TBC1D4: variants seen among roughly 807,000 people sequenced by gnomAD.
The protein encoded by TBC1D4 is TBC1 domain family member 4.
TBC1D4 carries 121 observed loss-of-function variants against 142.5 expected under a neutral mutation model. The ratio of observed to expected loss-of-function variants is 0.85; its 90% CI spans 0.73 to 0.99. The LOEUF (loss-of-function observed/expected upper bound fraction) is 0.99, where lower values mean the gene tolerates loss of function less well. TBC1D4 is among the 50% of genes least tolerant of loss of function. The probability of loss-of-function intolerance (pLI) is 0.00; values close to 1 mark genes in which losing one functional copy is unlikely to be tolerated. For missense variants in TBC1D4, 1,475 were observed against 1,606.6 expected, an observed-to-expected ratio of 0.92 and a Z score of 1.40; for synonymous variants, 630 against 628.2, an observed-to-expected ratio of 1.00 and a Z score of -0.04.
intron 1 of TBC1D4, among the ~76,000 whole-genome samples, chr13:75,365,665 C>T (rs182063813): frequency 6.6e-5 from 10 of 152,196 alleles, no homozygotes; most frequent in Middle Eastern, 3.4e-3. Context: ...TATTGTTGAA[C>T]GAATTTGAAT....
At chr13:75,410,219 T>G (rs1885576126) in intron 1 of TBC1D4, among the ~76,000 whole-genome samples, 1 of 152,298 alleles carries the variant, frequency 6.6e-6, no homozygotes, top group Admixed American at 6.5e-5. Flanking sequence ...AGCTTTCCTA[T>G]ATTACAGCCA....
intron 1 of TBC1D4, among the ~76,000 whole-genome samples, chr13:75,453,445 T>C (rs1887605710): frequency 6.6e-6 from 1 of 152,176 alleles, no homozygotes; most frequent in South Asian, 2.1e-4. Flanking sequence ...TGCCAAATAG[T>C]TGAGTTCCAC....
At position 75,284,893 on chromosome 13, in the gene TBC1D4, A is replaced by G. The variant is rs1317589648; in HGVS notation, c.*1899T>C. On this transcript the variant is annotated 3_prime_UTR_variant, in exon 21 of 21. Coordinates refer to ENST00000377636, the MANE Select transcript of TBC1D4 (RefSeq NM_014832.5). ...ATTCTAAACATCCAGGATAAAGTTT[A>G]CTTTAAACTGAATAAAAGAAAGAAA... 6.6e-6 allele frequency: 1 copy of G among 152,212 alleles called. No individual in the cohort carries two copies. Among genetic ancestry groups the G allele is most frequent in the Admixed American group, 6.5e-5 (1 of 15,280 alleles). 9.4% of individuals were successfully genotyped at this position (152,212 alleles called of 1,614,324 possible).
At chr13:75,409,849 T>C (rs2138390041) in intron 1 of TBC1D4, among the ~76,000 whole-genome samples, 1 of 152,352 alleles carries the variant, frequency 6.6e-6, no homozygotes, top group Middle Eastern at 3.4e-3. Context: ...AATCTTAGGA[T>C]GTTAAGATAC....
At chr13:75,406,808 G>A (rs575471106) in intron 1 of TBC1D4, among the ~76,000 whole-genome samples, 1 of 152,138 alleles carries the variant, frequency 6.6e-6, no homozygotes, top group African/African-American at 2.4e-5. Flanking sequence ...CCCACAAGCA[G>A]GGTTTATGGT....
chr13:75,326,237 G>C lies in TBC1D4; in HGVS notation c.1993C>G (p.Arg665Gly), dbSNP rs376333903. 6.2e-7 allele frequency: 1 copy of C among 1,614,136 alleles called. No individual in the cohort carries two copies. Among genetic ancestry groups the C allele is most frequent in the South Asian group, 1.1e-5 (1 of 91,086 alleles). The change falls in exon 10 of 21, where the codon CGT becomes GGT. Residue 665 changes from arginine (R) to glycine (G), a missense_variant. By Grantham distance (125) the Arg-to-Gly change is moderately radical. This residue lies in a region of TBC1D4 where 1,227 missense variants were observed against 1,267.7 expected (regional missense o/e 0.97). Transcript: ENST00000377636. The part of the protein sequence containing the change: ...NLQDGRAQGV[R>G]SPLLRQSSSE... ...GAGCTCTGCCTCAGCAGAGGGGAAC[G>C]CACACCCTGAGCCCTCCCATCCTGC...
At chr13:75,343,046 C>G (rs1027495882) in intron 5 of TBC1D4, among the ~76,000 whole-genome samples, 2 of 152,064 alleles carry the variant, frequency 1.3e-5, no homozygotes, top group Non-Finnish European at 2.9e-5. Flanking sequence ...ATAATTTGTT[C>G]CGCTAAGTTG....
At chr13:75,404,831 G>GT (rs1885252796) in intron 1 of TBC1D4, among the ~76,000 whole-genome samples, 1 of 152,106 alleles carries the variant, frequency 6.6e-6, no homozygotes. Context: ...TTGAACAAGA[G>GT]TAGAACTATG....
chr13:75,479,690 A>G lies in TBC1D4; in HGVS notation c.498+1580T>C, dbSNP rs1206678923. Among the ~76,000 whole-genome samples, 5 of 152,294 alleles carry G rather than the reference A, an allele frequency of 3.3e-5. No homozygotes were observed. The East Asian group carries it at 9.6e-4, about 29-fold the overall frequency. On this transcript the variant is annotated intron_variant, in intron 1 of 20. Transcript: ENST00000377636. ...CTGGCTCCTCTTTACCACCAGAACCAGAAAAATGTAATACAATAAAATGTA... is the reference window on the plus strand; with the variant it reads ...CTGGCTCCTCTTTACCACCAGAACCGGAAAAATGTAATACAATAAAATGTA...
In TBC1D4 at chr13:75,472,723, A is replaced by G. The variant is rs17071230; in HGVS notation, c.498+8547T>C. The stretch of plus-strand genomic sequence containing the variant: ...ATCTGTAAAGAGTTAGGCAACAAGC[A>G]TTGGGTGGTCTTCAAAGGGAGCAGC... On this transcript the variant is annotated intron_variant, in intron 1 of 20. Transcript: ENST00000377636. Among the ~76,000 whole-genome samples, 675 of 152,308 alleles carry G rather than the reference A, an allele frequency of 4.4e-3. 4 individuals carry two copies. Among genetic ancestry groups the G allele is most frequent in the African/African-American group, 0.015 (644 of 41,562 alleles).
intron 12 of TBC1D4, among the ~76,000 whole-genome samples, chr13:75,318,370 T>C (rs1244110470): frequency 1.3e-5 from 2 of 152,218 alleles, no homozygotes; most frequent in African/African-American, 2.4e-5. Context: ...ACTCTATCTC[T>C]GAAGTCCAAA....
At chr13:75,477,137 T>TA (rs1888657458) in intron 1 of TBC1D4, among the ~76,000 whole-genome samples, 1 of 152,206 alleles carries the variant, frequency 6.6e-6, no homozygotes, top group South Asian at 2.1e-4. Flanking sequence ...GAGATAGATC[T>TA]ATCTGTCCAC....
chr13:75,325,951 T>C (rs1040762217), intron 10 of TBC1D4, among the ~76,000 whole-genome samples: 1 of 152,156 alleles, frequency 6.6e-6, no homozygotes, highest in Non-Finnish European at 1.5e-5. Flanking sequence ...GGTTATCTTG[T>C]TTTTTCTATT....
intron 16 of TBC1D4, among the ~76,000 whole-genome samples, chr13:75,299,981 G>A (rs1007895872): frequency 5.9e-5 from 9 of 151,990 alleles, no homozygotes; most frequent in East Asian, 5.8e-4. Flanking sequence ...GAAACCAGAA[G>A]TCTGTAAGAC....
chr13:75,415,063 T>G (rs931623928), intron 1 of TBC1D4, among the ~76,000 whole-genome samples: 4 of 148,036 alleles, frequency 2.7e-5, no homozygotes, highest in Non-Finnish European at 5.9e-5. Flanking sequence ...GGTGGAGGTT[T>G]CGGTGAGCCG....
chr13:75,350,022 T>G (rs897686725), intron 4 of TBC1D4, among the ~76,000 whole-genome samples: 1 of 152,240 alleles, frequency 6.6e-6, no homozygotes, highest in Non-Finnish European at 1.5e-5. Context: ...CTAGCCTTTT[T>G]ATTTCCTGGA....
intron 1 of TBC1D4, among the ~76,000 whole-genome samples, chr13:75,479,956 C>T (rs1327031414): frequency 6.6e-6 from 1 of 150,478 alleles, no homozygotes; most frequent in Non-Finnish European, 1.5e-5. Context: ...CACTTGAACC[C>T]GGAAGGTGGA....
chr13:75,452,401 A>G (rs932650644), intron 1 of TBC1D4, among the ~76,000 whole-genome samples: 4 of 152,348 alleles, frequency 2.6e-5, no homozygotes, highest in Admixed American at 2.6e-4. Context: ...CTATGAGCGT[A>G]TATATAAAAC....
At chr13:75,376,206 C>T (rs927511954) in intron 1 of TBC1D4, 3 of 151,826 alleles carry the variant, frequency 2.0e-5, no homozygotes, top group African/African-American at 4.8e-5. Context: ...AAAAAACAAA[C>T]AAAAAAACCA....
Sources: allele counts gnomAD v4.1 joint callset (sites outside exome capture counted in the v4.1 genomes callset), GRCh38; gene constraint gnomAD v4.1.1; regional missense constraint gnomAD v4.1.1; transcripts MANE v1.5; gene names NCBI Gene and HGNC (gene_info 2026-07-23, HGNC 2026-07-21).